The following TANC2 variants were observed in gnomAD, a reference collection of about 807,000 sequenced individuals.
The protein encoded by TANC2 is protein TANC2.
TANC2 carries 26 observed loss-of-function variants against 210.5 expected under a neutral mutation model. That is an observed-to-expected ratio of 0.12 (90% CI 0.09 to 0.17). The LOEUF (loss-of-function observed/expected upper bound fraction) is 0.17. Among genes scored for constraint, TANC2 ranks in the 10% least tolerant of loss-of-function variants. TANC2 has a pLI of 1.00. For missense variants in TANC2, 2,129 were observed against 2,608.9 expected, an observed-to-expected ratio of 0.82 and a Z score of 4.01; for synonymous variants, 931 against 967.1, an observed-to-expected ratio of 0.96 and a Z score of 0.69.
At chr17:63,066,745 C>CTT (rs919970215) in intron 2 of TANC2, among the ~76,000 whole-genome samples, 2 of 145,254 alleles carry the variant, frequency 1.4e-5, no homozygotes, top group South Asian at 2.2e-4. Context: ...TTAATGAAAG[C>CTT]TTTTTTTTTT....
At chr17:62,969,732 C>T (rs569719624) in intron 1 of TANC2, among the ~76,000 whole-genome samples, 97 of 143,336 alleles carry the variant, frequency 6.8e-4, no homozygotes, top group African/African-American at 2.3e-3. Flanking sequence ...CACATTCATA[C>T]ACACACACAC....
intron 19 of TANC2, among the ~76,000 whole-genome samples, chr17:63,404,778 G>A (rs1422895287): frequency 4.6e-5 from 7 of 152,032 alleles, no homozygotes; most frequent in Non-Finnish European, 8.8e-5. Flanking sequence ...CCACCCACAC[G>A]TAGACTAACA....
intron 14 of TANC2, among the ~76,000 whole-genome samples, chr17:63,366,841 G>A (rs75965318): frequency 2.6e-5 from 4 of 152,268 alleles, no homozygotes; most frequent in East Asian, 3.9e-4. Flanking sequence ...AAAATATGCC[G>A]AAGCAGTTAC....
At chr17:63,275,722 C>T (rs2043851105) in intron 9 of TANC2, among the ~76,000 whole-genome samples, 1 of 152,084 alleles carries the variant, frequency 6.6e-6, no homozygotes, top group Non-Finnish European at 1.5e-5. Context: ...GATAAGGTTG[C>T]ATGCACATAA....
chr17:63,020,686 G>A (rs1438905096), intron 2 of TANC2, among the ~76,000 whole-genome samples: 2 of 152,128 alleles, frequency 1.3e-5, no homozygotes, highest in Non-Finnish European at 2.9e-5. Context: ...ACAAGGTGTT[G>A]TTAGAATCAT....
intron 20 of TANC2, among the ~76,000 whole-genome samples, chr17:63,405,775 A>T (rs922330876): frequency 2.6e-5 from 4 of 152,244 alleles, no homozygotes; most frequent in African/African-American, 7.2e-5. Context: ...GAGTTACCAG[A>T]GTCACTTGAT....
intron 11 of TANC2, among the ~76,000 whole-genome samples, chr17:63,335,326 A>C (rs2045988752): frequency 6.6e-6 from 1 of 152,152 alleles, no homozygotes; most frequent in Admixed American, 6.5e-5. Flanking sequence ...CAAAAGTGTC[A>C]AGATGGCCGG....
chr17:63,128,108 A>T (rs79662544), intron 4 of TANC2, among the ~76,000 whole-genome samples: 3,133 of 152,298 alleles, frequency 0.021, 41 homozygotes, highest in South Asian at 0.038. Flanking sequence ...GCACCTATAA[A>T]AGAGTTTCTA....
intron 11 of TANC2, among the ~76,000 whole-genome samples, chr17:63,327,846 C>T (rs2045700279): frequency 6.6e-6 from 1 of 152,024 alleles, no homozygotes. Context: ...CATATGTATA[C>T]ATGTGCCATG....
intron 7 of TANC2, among the ~76,000 whole-genome samples, chr17:63,222,426 G>T (rs1292501121): frequency 6.6e-6 from 1 of 152,182 alleles, no homozygotes; most frequent in Non-Finnish European, 1.5e-5. Flanking sequence ...ATGGATAAAT[G>T]TTAAAAGCAT....
chr17:63,060,701 A>G (rs1466706634), intron 2 of TANC2, among the ~76,000 whole-genome samples: 1 of 152,120 alleles, frequency 6.6e-6, no homozygotes, highest in Non-Finnish European at 1.5e-5. Context: ...TTATTTTGAT[A>G]TCTTTCTAGT....
chr17:63,035,104 T>C (rs546361134), intron 2 of TANC2, among the ~76,000 whole-genome samples: 1 of 152,310 alleles, frequency 6.6e-6, no homozygotes, highest in African/African-American at 2.4e-5. Context: ...TGTTGTCTTA[T>C]TTTAAGAAAT....
intron 8 of TANC2, 100 bp from the exon 9 acceptor site, chr17:63,267,648 G>A (rs2043570065): frequency 8.7e-7 from 1 of 1,148,526 alleles, no homozygotes; most frequent in South Asian, 1.8e-5. Flanking sequence ...TATATTTTTT[G>A]GCTGGAGTAA....
At chr17:63,380,402 C>T (rs913340923) in intron 15 of TANC2, among the ~76,000 whole-genome samples, 4 of 152,220 alleles carry the variant, frequency 2.6e-5, no homozygotes, top group African/African-American at 9.7e-5. Context: ...AAAAAGAGGA[C>T]ACATAATTTG....
chr17:63,211,186 C>T (rs935358883), intron 7 of TANC2, among the ~76,000 whole-genome samples: 4 of 152,142 alleles, frequency 2.6e-5, no homozygotes, highest in Non-Finnish European at 4.4e-5. Context: ...ATTTGACTCC[C>T]GGTTACCTAA....
At chr17:63,180,598 A>G (rs1403299663) in intron 5 of TANC2, among the ~76,000 whole-genome samples, 3 of 152,218 alleles carry the variant, frequency 2.0e-5, no homozygotes, top group African/African-American at 2.4e-5. Context: ...ATTACCCTCA[A>G]TGCAACCAGA....
At chr17:63,224,041 A>G (rs1414964657) in intron 7 of TANC2, among the ~76,000 whole-genome samples, 1 of 152,108 alleles carries the variant, frequency 6.6e-6, no homozygotes, top group Non-Finnish European at 1.5e-5. Context: ...ATCCTAGACC[A>G]GTGAATTCTG....
intron 4 of TANC2, among the ~76,000 whole-genome samples, chr17:63,118,495 G>C (rs960645074): frequency 1.3e-5 from 2 of 152,062 alleles, no homozygotes; most frequent in Admixed American, 1.3e-4. Flanking sequence ...GAAATGTCTT[G>C]AAAGTAGGAA....
chr17:63,279,727 C>T (rs1009213668), intron 9 of TANC2, among the ~76,000 whole-genome samples: 2 of 152,104 alleles, frequency 1.3e-5, no homozygotes, highest in Non-Finnish European at 1.5e-5. Flanking sequence ...AGAAAGGACA[C>T]CTCAACAAGG....
Sources: allele counts gnomAD v4.1 joint callset (sites outside exome capture counted in the v4.1 genomes callset), GRCh38; gene constraint gnomAD v4.1.1; transcripts MANE v1.5; gene names NCBI Gene and HGNC (gene_info 2026-07-23, HGNC 2026-07-21).